ARHGAP6: variants seen among roughly 807,000 people sequenced by gnomAD.
The protein encoded by ARHGAP6 is rho GTPase-activating protein 6.
In ARHGAP6, 16 loss-of-function variants were observed where a neutral mutation model predicts 55.7. That is an observed-to-expected ratio of 0.29 (90% confidence interval 0.19 to 0.44). The LOEUF (loss-of-function observed/expected upper bound fraction) is 0.44, where lower values mean the gene tolerates loss of function less well. Ranked by LOEUF, ARHGAP6 falls within the 20% of genes least tolerant of loss-of-function variation. ARHGAP6 has a pLI of 1.00. For synonymous variants in ARHGAP6, 382 were observed against 360.9 expected, an observed-to-expected ratio of 1.06 and a Z score of -0.66; for missense variants, 698 against 808.9, an observed-to-expected ratio of 0.86 and a Z score of 1.66.
intron 1 of ARHGAP6, among the ~76,000 whole-genome samples, chrX:11,596,301 T>C (rs1461467011): frequency 9.0e-6 from 1 of 111,602 alleles, no homozygotes; most frequent in Non-Finnish European, 1.9e-5. Context: ...AAACCATCAC[T>C]CTCAGCAAAC....
intron 1 of ARHGAP6, among the ~76,000 whole-genome samples, chrX:11,353,831 T>C (rs1047657847): frequency 1.8e-5 from 2 of 110,897 alleles, no homozygotes; most frequent in Non-Finnish European, 3.8e-5. Flanking sequence ...GGAAAGGGTG[T>C]ACTCATAGAG....
intron 1 of ARHGAP6, among the ~76,000 whole-genome samples, chrX:11,303,617 C>T (rs770148237): frequency 1.4e-3 from 154 of 112,068 alleles, no homozygotes; most frequent in Non-Finnish European, 2.5e-3. Context: ...ATATTAAAAT[C>T]TCAATTCCTC....
chrX:11,638,751 T>A (rs754594307), intron 1 of ARHGAP6, among the ~76,000 whole-genome samples: 3 of 111,592 alleles, frequency 2.7e-5, no homozygotes, highest in Admixed American at 9.6e-5. Context: ...TGTCAAAACA[T>A]CTTATGTACC....
intron 1 of ARHGAP6, among the ~76,000 whole-genome samples, chrX:11,280,724 C>T (rs376539463): frequency 2.3e-5 from 2 of 87,034 alleles, no homozygotes; most frequent in Non-Finnish European, 4.3e-5. Context: ...CCAGCCTGGG[C>T]GACAGAGCAA....
intron 1 of ARHGAP6, among the ~76,000 whole-genome samples, chrX:11,364,909 A>G (rs1004705906): frequency 2.7e-5 from 3 of 110,419 alleles, no homozygotes; most frequent in African/African-American, 9.9e-5. Context: ...GGACAACTTC[A>G]GCCAACAGGA....
chrX:11,508,744 A>T (rs772715418), intron 1 of ARHGAP6, among the ~76,000 whole-genome samples: 1 of 107,849 alleles, frequency 9.3e-6, no homozygotes, highest in East Asian at 3.0e-4. Flanking sequence ...CCCTTCAACC[A>T]TCACTTCCTC....
At chrX:11,484,720 A>T (rs950668871) in intron 1 of ARHGAP6, among the ~76,000 whole-genome samples, 11 of 112,423 alleles carry the variant, frequency 9.8e-5, no homozygotes, top group Non-Finnish European at 1.1e-4. Flanking sequence ...CCACTCCATT[A>T]AAAAATTAAA....
At chrX:11,364,359 TA>T (rs374839765) in intron 1 of ARHGAP6, among the ~76,000 whole-genome samples, 1,940 of 93,410 alleles carry the variant, frequency 0.021, 29 homozygotes, top group African/African-American at 0.057. Context: ...CTAAAAATGT[TA>T]AAAAAAAAAA....
chrX:11,614,583 C>T (rs953808574), intron 1 of ARHGAP6, among the ~76,000 whole-genome samples: 2 of 111,864 alleles, frequency 1.8e-5, no homozygotes, highest in African/African-American at 6.5e-5. Flanking sequence ...CCTCCTCTAA[C>T]ACTGGGGATT....
At chrX:11,243,966 A>G (rs1177864577) in intron 2 of ARHGAP6, among the ~76,000 whole-genome samples, 1 of 111,781 alleles carries the variant, frequency 8.9e-6, no homozygotes, top group Middle Eastern at 4.6e-3. Context: ...TAAGTTTTGC[A>G]CACTGTCAAA....
At chrX:11,448,137 T>C (rs913853854) in intron 1 of ARHGAP6, among the ~76,000 whole-genome samples, 1 of 112,557 alleles carries the variant, frequency 8.9e-6, no homozygotes, top group African/African-American at 3.2e-5. Context: ...CCACTCTCTG[T>C]CATGCATCCA....
intron 1 of ARHGAP6, among the ~76,000 whole-genome samples, chrX:11,264,761 T>C (rs1411078107): frequency 1.8e-5 from 2 of 112,106 alleles, no homozygotes; most frequent in Non-Finnish European, 1.9e-5. Flanking sequence ...CGGAGATAGA[T>C]TAGACCTTGA....
intron 5 of ARHGAP6, among the ~76,000 whole-genome samples, chrX:11,184,320 T>C (rs1374158174): frequency 8.9e-6 from 1 of 112,625 alleles, no homozygotes; most frequent in East Asian, 2.8e-4. Flanking sequence ...ACTCCCAGGC[T>C]CAAGGGATCT....
chrX:11,146,014 A>G (rs181566403), intron 10 of ARHGAP6, among the ~76,000 whole-genome samples: 259 of 112,332 alleles, frequency 2.3e-3, no homozygotes, highest in African/African-American at 8.1e-3. Flanking sequence ...ATCAGGAGGG[A>G]AACCAAAGAT....
intron 12 of ARHGAP6, 86 bp downstream of exon 12, chrX:11,142,147 C>G: frequency 1.6e-6 from 1 of 620,381 alleles, no homozygotes; most frequent in Non-Finnish European, 2.4e-6. Context: ...TAATGTTTGA[C>G]AAGCATGTAA....
chrX:11,251,853 G>A (rs908008949), intron 2 of ARHGAP6, among the ~76,000 whole-genome samples: 3 of 111,853 alleles, frequency 2.7e-5, no homozygotes, highest in Non-Finnish European at 5.6e-5. Flanking sequence ...AATATTTGAT[G>A]TCTATATTCA....
At chrX:11,625,885 T>C (rs1255921808) in intron 1 of ARHGAP6, among the ~76,000 whole-genome samples, 1 of 111,813 alleles carries the variant, frequency 8.9e-6, no homozygotes, top group Non-Finnish European at 1.9e-5. Context: ...ACTACTGAAA[T>C]TTTGTACTAA....
At chrX:11,375,555 G>A (rs1858965209) in intron 1 of ARHGAP6, among the ~76,000 whole-genome samples, 1 of 111,730 alleles carries the variant, frequency 9.0e-6, no homozygotes, top group South Asian at 3.7e-4. Context: ...TTGTCTTTGA[G>A]ATTTCCTTAA....
intron 1 of ARHGAP6, among the ~76,000 whole-genome samples, chrX:11,270,320 CCT>C (rs2047676521): frequency 8.9e-6 from 1 of 111,788 alleles, no homozygotes. Flanking sequence ...GACTGGAAGG[CCT>C]CTCTGCAACT....
Sources: allele counts gnomAD v4.1 joint callset (sites outside exome capture counted in the v4.1 genomes callset), GRCh38; gene constraint gnomAD v4.1.1; transcripts MANE v1.5; gene names NCBI Gene and HGNC (gene_info 2026-07-23, HGNC 2026-07-21).